HNF4G: variants seen among roughly 807,000 people sequenced by gnomAD.
HNF4G encodes hepatocyte nuclear factor 4-gamma.
HNF4G carries 21 observed loss-of-function variants against 50.9 expected under a neutral mutation model. The ratio of observed to expected loss-of-function variants is 0.41; its 90% CI spans 0.29 to 0.59. HNF4G has a LOEUF of 0.59. HNF4G is among the 20% of genes least tolerant of loss of function. The pLI, the probability that HNF4G is intolerant of heterozygous loss-of-function variation, is 0.26. For missense variants in HNF4G, 527 were observed against 559.4 expected (o/e 0.94, Z 0.58); for synonymous variants, 198 against 185.6 (o/e 1.07, Z -0.54).
intron 1 of HNF4G, among the ~76,000 whole-genome samples, chr8:75,481,014 G>T (rs1170831231): frequency 6.6e-6 from 1 of 152,100 alleles, no homozygotes; most frequent in East Asian, 1.9e-4. Context: ...ACTGGTCCCG[G>T]CCGGATCTCA....
chr8:75,444,374 C>G (rs1424348577), intron 1 of HNF4G, among the ~76,000 whole-genome samples: 2 of 151,504 alleles, frequency 1.3e-5, no homozygotes, highest in Non-Finnish European at 3.0e-5. Context: ...CATCAACTAA[C>G]CAGCAAAATA....
At chr8:75,542,987 G>T (rs189835481) in intron 1 of HNF4G, among the ~76,000 whole-genome samples, 5 of 152,060 alleles carry the variant, frequency 3.3e-5, no homozygotes, top group Admixed American at 2.0e-4. Flanking sequence ...TGGGCAGACC[G>T]CCTGAGGTCA....
chr8:75,460,953 G>A (rs1346605044), intron 1 of HNF4G, among the ~76,000 whole-genome samples: 3 of 152,104 alleles, frequency 2.0e-5, no homozygotes, highest in African/African-American at 7.2e-5. Context: ...TGATAATATC[G>A]ACCCTTTAAT....
At chr8:75,516,971 G>A (rs1317971044) in intron 2 of HNF4G, among the ~76,000 whole-genome samples, 4 of 152,080 alleles carry the variant, frequency 2.6e-5, no homozygotes, top group African/African-American at 9.7e-5. Context: ...GGGGTTTAAT[G>A]GAATCACAGT....
chr8:75,454,424 A>G (rs1356081264), intron 1 of HNF4G, among the ~76,000 whole-genome samples: 1 of 152,210 alleles, frequency 6.6e-6, no homozygotes, highest in African/African-American at 2.4e-5. Context: ...TGCAGTTCTT[A>G]CTATCCTGGG....
intron 6 of HNF4G, among the ~76,000 whole-genome samples, chr8:75,556,656 C>T (rs1452124293): frequency 6.6e-6 from 1 of 152,040 alleles, no homozygotes; most frequent in East Asian, 1.9e-4. Context: ...TGCTCCAATC[C>T]CGCTACCTTA....
intron 1 of HNF4G, among the ~76,000 whole-genome samples, chr8:75,463,083 A>G (rs958009747): frequency 7.5e-6 from 1 of 132,472 alleles, no homozygotes; most frequent in Admixed American, 7.5e-5. Context: ...TTTTTTCTGT[A>G]ATGCCTCTTA....
At chr8:75,504,879 A>G (rs1405419299) in intron 2 of HNF4G, among the ~76,000 whole-genome samples, 1 of 152,176 alleles carries the variant, frequency 6.6e-6, no homozygotes, top group Non-Finnish European at 1.5e-5. Context: ...TACTGTGAAT[A>G]TCTAATCTGT....
chr8:75,495,947 A>G (rs1812757316), intron 2 of HNF4G, among the ~76,000 whole-genome samples: 1 of 152,170 alleles, frequency 6.6e-6, no homozygotes, highest in African/African-American at 2.4e-5. Context: ...CCTATTATTG[A>G]TCAATTATTT....
intron 1 of HNF4G, among the ~76,000 whole-genome samples, chr8:75,481,751 A>T (rs1812385047): frequency 6.6e-6 from 1 of 152,176 alleles, no homozygotes; most frequent in African/African-American, 2.4e-5. Flanking sequence ...TTCAATAAAA[A>T]TTATGCATCT....
At chr8:75,536,610 C>A (rs918273531), upstream of HNF4G, among the ~76,000 whole-genome samples, 35 of 151,868 alleles carry the variant, frequency 2.3e-4, no homozygotes, top group African/African-American at 7.7e-4. Context: ...TAAAAAAAAC[C>A]GGTAACTGTT....
intron 2 of HNF4G, among the ~76,000 whole-genome samples, chr8:75,493,063 T>C (rs953926013): frequency 2.1e-4 from 32 of 151,872 alleles, no homozygotes; most frequent in Non-Finnish European, 3.5e-4. Context: ...ATGTATGTAG[T>C]CATATACATA....
chr8:75,448,888 A>T (rs1438123586), intron 1 of HNF4G, among the ~76,000 whole-genome samples: 1 of 152,330 alleles, frequency 6.6e-6, no homozygotes, highest in East Asian at 1.9e-4. Context: ...TTTCTATATT[A>T]CAAATGTAGA....
intron 1 of HNF4G, among the ~76,000 whole-genome samples, chr8:75,444,057 C>T (rs1811359830): frequency 6.6e-6 from 1 of 152,018 alleles, no homozygotes; most frequent in Admixed American, 6.6e-5. Context: ...AAAGGGAAGC[C>T]CATCAGACTA....
intron 3 of HNF4G, among the ~76,000 whole-genome samples, chr8:75,551,028 C>A (rs1281498943): frequency 6.6e-6 from 1 of 152,146 alleles, no homozygotes; most frequent in Non-Finnish European, 1.5e-5. Context: ...ACACTCTTAT[C>A]TTTGACCTGG....
At chr8:75,455,416 G>A (rs1374770510) in intron 1 of HNF4G, among the ~76,000 whole-genome samples, 1 of 152,046 alleles carries the variant, frequency 6.6e-6, no homozygotes, top group African/African-American at 2.4e-5. Flanking sequence ...TAAAGTGTTG[G>A]TATCTTTAGT....
At position 75,459,207 on chromosome 8, in the gene HNF4G, T is replaced by A. The variant is rs76048959; in HGVS notation, c.-143-30882T>A. ...TAGGTAAATAACACTTATATAAAATTTAATAGAATGTTAGCTAAATAATAA... is the reference window on the plus strand; with the variant it reads ...TAGGTAAATAACACTTATATAAAATATAATAGAATGTTAGCTAAATAATAA... On this transcript the variant is annotated intron_variant, in intron 1 of 10. Coordinates refer to the HNF4G transcript ENST00000354370. 1.8e-3 allele frequency among the ~76,000 whole-genome samples: 268 copies of A among 152,270 alleles called. 1 individual carries two copies. Among genetic ancestry groups the A allele is most frequent in the African/African-American group, 5.7e-3 (237 of 41,566 alleles).
intron 1 of HNF4G, among the ~76,000 whole-genome samples, chr8:75,439,850 T>C (rs1811233836): frequency 6.6e-6 from 1 of 152,062 alleles, no homozygotes; most frequent in Non-Finnish European, 1.5e-5. Flanking sequence ...GATAATTCAG[T>C]TTTTACTACA....
Position 75,540,063 on chromosome 8 carries a change from T to G in HNF4G, c.101T>G (p.Ile34Ser). 1 of 1,570,832 alleles carries G rather than the reference T, an allele frequency of 6.4e-7. No individual in the cohort carries two copies. The highest frequency in any genetic ancestry group is 8.8e-7 in the Non-Finnish European group (1 of 1,140,990). Reference protein sequence around the residue: ...YTTLEFETMQILYNSSDSSAP... With the variant: ...YTTLEFETMQSLYNSSDSSAP... ...ACTTTGGAGTTTGAAACTATGCAGATTCTATATAATTCAAGTGGTGAGTTA... is the reference window on the plus strand; with the variant it reads ...ACTTTGGAGTTTGAAACTATGCAGAGTCTATATAATTCAAGTGGTGAGTTA... Residue 34 changes from isoleucine to serine, a missense_variant, in exon 1 of 10, where the codon ATT becomes AGT. Coordinates refer to ENST00000396423, the MANE Select transcript of HNF4G (RefSeq NM_004133.5).
Sources: allele counts gnomAD v4.1 joint callset (sites outside exome capture counted in the v4.1 genomes callset), GRCh38; gene constraint gnomAD v4.1.1; transcripts MANE v1.5; gene names NCBI Gene and HGNC (gene_info 2026-07-23, HGNC 2026-07-21).